The following SV2C variants were observed in gnomAD, a reference collection of about 807,000 sequenced individuals.
SV2C encodes solute carrier family 22 member B3.
Under a neutral mutation model 79.7 loss-of-function variants are expected in SV2C, and 49 were observed. That is an observed-to-expected ratio of 0.61 (90% CI 0.49 to 0.78). The LOEUF (loss-of-function observed/expected upper bound fraction) is 0.78. SV2C is among the 30% of genes least tolerant of loss of function. The pLI is 0.00. For missense variants in SV2C, 833 were observed against 912.9 expected (o/e 0.91, Z 1.13); for synonymous variants, 334 against 333.2 (o/e 1.00, Z -0.03).
the SV2C span, among the ~76,000 whole-genome samples, chr5:76,045,291 T>C: frequency 6.6e-6 from 1 of 152,230 alleles, no homozygotes; most frequent in Non-Finnish European, 1.5e-5. Flanking sequence ...TTTCTACCAG[T>C]ACCGTGCTGT....
chr5:76,343,801 G>A (rs888800712), intron 12 of SV2C, among the ~76,000 whole-genome samples: 5 of 152,128 alleles, frequency 3.3e-5, no homozygotes, highest in African/African-American at 9.7e-5. Context: ...CATGTGGATC[G>A]CTTGAGCCCA....
intron 1 of SV2C, among the ~76,000 whole-genome samples, chr5:76,123,616 C>A (rs572792799): frequency 1.4e-4 from 21 of 152,198 alleles, no homozygotes; most frequent in African/African-American, 2.6e-4. Flanking sequence ...AACAGAACCA[C>A]AGACAAAAAC....
intron 4 of SV2C, among the ~76,000 whole-genome samples, chr5:76,284,709 G>A (rs913204364): frequency 3.3e-5 from 5 of 152,186 alleles, no homozygotes; most frequent in Non-Finnish European, 5.9e-5. Flanking sequence ...CCTTCACTCT[G>A]TTCTCTTGCC....
At chr5:75,895,429 G>C in the SV2C span, among the ~76,000 whole-genome samples, 2 of 152,098 alleles carry the variant, frequency 1.3e-5, no homozygotes, top group Non-Finnish European at 2.9e-5. Context: ...AAAAATATGA[G>C]AATGAGCTGT....
chr5:76,178,940 A>G (rs916453018), intron 2 of SV2C, among the ~76,000 whole-genome samples: 1 of 152,220 alleles, frequency 6.6e-6, no homozygotes, highest in African/African-American at 2.4e-5. Flanking sequence ...TCTAAATTAA[A>G]TCAACGAGGT....
the SV2C span, among the ~76,000 whole-genome samples, chr5:75,989,175 G>T: frequency 6.6e-6 from 1 of 151,542 alleles, no homozygotes; most frequent in East Asian, 1.9e-4. Context: ...ATGGGTACAC[G>T]TGCAGGAGAA....
chr5:76,085,362 A>G (rs1747151047), intron 1 of SV2C, among the ~76,000 whole-genome samples: 1 of 152,180 alleles, frequency 6.6e-6, no homozygotes, highest in African/African-American at 2.4e-5. Context: ...GCGTTAAAAA[A>G]CACTACTGAT....
At chr5:75,897,873 T>G in the SV2C span, among the ~76,000 whole-genome samples, 3 of 152,044 alleles carry the variant, frequency 2.0e-5, no homozygotes, top group South Asian at 6.2e-4. Context: ...TCTGTTTGTC[T>G]GTTATTGGTG....
chr5:76,309,418 G>A (rs1748326732), intron 12 of SV2C, among the ~76,000 whole-genome samples: 1 of 151,848 alleles, frequency 6.6e-6, no homozygotes, highest in Admixed American at 6.6e-5. Flanking sequence ...GGCTAACAAG[G>A]TGAAACCCCG....
chr5:76,335,414 C>CTTTTT (rs869230352), downstream of SV2C, among the ~76,000 whole-genome samples: 1,356 of 98,064 alleles, frequency 0.014, 94 homozygotes, highest in African/African-American at 0.062. Flanking sequence ...ACACATTTTC[C>CTTTTT]TTTTTTTTTT....
chr5:76,047,788 C>A, the SV2C span, among the ~76,000 whole-genome samples: 4 of 124,440 alleles, frequency 3.2e-5, no homozygotes, highest in African/African-American at 1.2e-4. Flanking sequence ...TTTTTTGAGA[C>A]GGAGTCTTGC....
In SV2C at chr5:76,158,331, G is replaced by C. The variant is rs142637744; in HGVS notation, c.580+26001G>C. Among the ~76,000 whole-genome samples the C allele has an allele frequency of 2.6e-5, 4 of 151,506 alleles. No individual in the cohort carries two copies. The East Asian group carries it at 7.7e-4, about 29-fold the overall frequency. On this transcript the variant is annotated intron_variant, in intron 2 of 12. Coordinates refer to ENST00000502798, the MANE Select transcript of SV2C (RefSeq NM_014979.4). ...CACTTTATATTCAAAGATACAAATA[G>C]ACTGAAAGTAAAAGGAAAGGAAAAG...
chr5:75,911,636 A>G, the SV2C span: 2 of 702,040 alleles, frequency 2.8e-6, no homozygotes, highest in Non-Finnish European at 5.4e-6. Context: ...GAAAACATCC[A>G]CAATCAGAAC....
At chr5:76,339,808 G>A (rs1357790459) in intron 12 of SV2C, among the ~76,000 whole-genome samples, 3 of 152,058 alleles carry the variant, frequency 2.0e-5, no homozygotes, top group Admixed American at 6.6e-5. Context: ...CAGTTTTGTA[G>A]TCCAGCGTCT....
At chr5:76,274,742 A>C (rs2112479134) in intron 4 of SV2C, among the ~76,000 whole-genome samples, 1 of 145,056 alleles carries the variant, frequency 6.9e-6, no homozygotes, top group African/African-American at 2.6e-5. Flanking sequence ...TGCTGGTATT[A>C]GCAACAGGAA....
chr5:76,204,456 A>G (rs1045723670), intron 3 of SV2C, among the ~76,000 whole-genome samples: 1 of 152,198 alleles, frequency 6.6e-6, no homozygotes, highest in Non-Finnish European at 1.5e-5. Context: ...TGATTATTCA[A>G]CTTTCTCCTT....
At chr5:76,315,393 T>TATTA (rs1561313449) in intron 12 of SV2C, among the ~76,000 whole-genome samples, 1 of 152,196 alleles carries the variant, frequency 6.6e-6, no homozygotes, top group Non-Finnish European at 1.5e-5. Context: ...TTAAAATGTC[T>TATTA]ATTACAAAAA....
chr5:76,020,687 C>T, the SV2C span, among the ~76,000 whole-genome samples: 1 of 152,148 alleles, frequency 6.6e-6, no homozygotes, highest in Non-Finnish European at 1.5e-5. Flanking sequence ...TAGGAACAGG[C>T]TAGGCTGTGT....
chr5:75,992,814 G>T, the SV2C span, among the ~76,000 whole-genome samples: 2 of 152,164 alleles, frequency 1.3e-5, no homozygotes, highest in South Asian at 4.1e-4. Flanking sequence ...TTATAGAATA[G>T]GGGCAGTGAG....
Sources: allele counts gnomAD v4.1 joint callset (sites outside exome capture counted in the v4.1 genomes callset), GRCh38; gene constraint gnomAD v4.1.1; transcripts MANE v1.5; gene names NCBI Gene and HGNC (gene_info 2026-07-23, HGNC 2026-07-21).